NREP: variants seen among roughly 807,000 people sequenced by gnomAD.
NREP encodes neuronal regeneration related protein.
NREP carries 5 observed loss-of-function variants against 8.6 expected under a neutral mutation model. That is an observed-to-expected ratio of 0.58 (90% CI 0.30 to 1.22). The LOEUF (loss-of-function observed/expected upper bound fraction) is 1.22, where lower values mean the gene tolerates loss of function less well. NREP is among the 50% of genes most tolerant of loss of function. The pLI, the probability that NREP is intolerant of heterozygous loss-of-function variation, is 0.07. For synonymous variants in NREP, 27 were observed against 28.0 expected (o/e 0.96, Z 0.11); for missense variants, 86 against 82.5 (o/e 1.04, Z -0.17).
At chr5:111,771,635 T>A (rs1344739672) in intron 2 of NREP, among the ~76,000 whole-genome samples, 1 of 151,908 alleles carries the variant, frequency 6.6e-6, no homozygotes, top group East Asian at 1.9e-4. Context: ...TGGTGGCACA[T>A]GCCTGTAATC....
chr5:111,834,107 A>G (rs1752838556), intron 2 of NREP, among the ~76,000 whole-genome samples: 1 of 152,176 alleles, frequency 6.6e-6, no homozygotes, highest in South Asian at 2.1e-4. Context: ...ACTGGAGTAG[A>G]AAACTAGAGC....
chr5:111,758,326 A>G (rs543181081), upstream of NREP: 5 of 842,084 alleles, frequency 5.9e-6, no homozygotes, highest in South Asian at 5.4e-5. Flanking sequence ...CCTTCCCTAT[A>G]CGCTCCCCCA....
At chr5:111,775,968 GAGA>G (rs1751347546) in intron 2 of NREP, among the ~76,000 whole-genome samples, 1 of 152,102 alleles carries the variant, frequency 6.6e-6, no homozygotes, top group South Asian at 2.1e-4. Context: ...CTTATAATAA[GAGA>G]CTTTCAAATT....
At chr5:111,911,136 ATCTGGATATCACCCCTGCACCCAGTGT>A (rs1168370863) in intron 2 of NREP, among the ~76,000 whole-genome samples, 2 of 151,934 alleles carry the variant, frequency 1.3e-5, no homozygotes, top group Non-Finnish European at 2.9e-5. Context: ...GCACCCAGCA[ATCTGGATATCACCCCTGCACCCAGTGT>A]TCTGGATATC....
chr5:111,737,890 C>T (rs1190216894), intron 2 of NREP, among the ~76,000 whole-genome samples: 2 of 151,932 alleles, frequency 1.3e-5, no homozygotes, highest in African/African-American at 2.4e-5. Context: ...ATTTTTAGCA[C>T]ATTAGGCATT....
intron 2 of NREP, among the ~76,000 whole-genome samples, chr5:111,787,257 C>T (rs1165272082): frequency 6.6e-6 from 1 of 151,668 alleles, no homozygotes; most frequent in Non-Finnish European, 1.5e-5. Context: ...ATTCTGAAGC[C>T]ACACACACTT....
chr5:111,938,571 T>C (rs1755745680), intron 2 of NREP, among the ~76,000 whole-genome samples: 1 of 152,056 alleles, frequency 6.6e-6, no homozygotes, highest in Non-Finnish European at 1.5e-5. Context: ...CATGGCCTAG[T>C]TTGCATTTCA....
intron 2 of NREP, among the ~76,000 whole-genome samples, chr5:111,947,903 G>C (rs1489327084): frequency 1.3e-5 from 2 of 151,948 alleles, no homozygotes; most frequent in Admixed American, 6.6e-5. Context: ...GAGACTCCTA[G>C]ACTTCTCTGC....
chr5:111,952,936 T>C (rs915298027), intron 2 of NREP, among the ~76,000 whole-genome samples: 8 of 152,122 alleles, frequency 5.3e-5, no homozygotes, highest in African/African-American at 1.9e-4. Flanking sequence ...ACCTTGCTTG[T>C]ACTGTTTTTA....
At chr5:111,739,786 T>C (rs904334658) in intron 2 of NREP, 3 of 152,202 alleles carry the variant, frequency 2.0e-5, no homozygotes, top group Non-Finnish European at 2.9e-5. Flanking sequence ...GTTCTGGGTA[T>C]GGGAATACCT....
At chr5:111,850,872 TTGACAAAACAGGGTTTGAATTACTAA>T (rs1561693608) in intron 2 of NREP, among the ~76,000 whole-genome samples, 1 of 152,174 alleles carries the variant, frequency 6.6e-6, no homozygotes, top group African/African-American at 2.4e-5. Context: ...GTTTTAAAGT[TTGACAAAACAGGGTTTGAATTACTAA>T]TTCATTAATC....
chr5:111,891,949 A>G (rs886412492), intron 2 of NREP, among the ~76,000 whole-genome samples: 2 of 152,208 alleles, frequency 1.3e-5, no homozygotes, highest in African/African-American at 4.8e-5. Context: ...AAACTATATC[A>G]GTCATTATGA....
At chr5:111,933,993 G>T (rs1412751384) in intron 2 of NREP, among the ~76,000 whole-genome samples, 2 of 152,088 alleles carry the variant, frequency 1.3e-5, no homozygotes, top group Non-Finnish European at 2.9e-5. Flanking sequence ...AGGGGAAGAA[G>T]TACAGCCTCC....
chr5:111,816,121 G>A (rs1456065689), intron 2 of NREP, among the ~76,000 whole-genome samples: 1 of 152,134 alleles, frequency 6.6e-6, no homozygotes, highest in African/African-American at 2.4e-5. Context: ...CAGTAAAAAT[G>A]TTAATCAAAA....
intron 2 of NREP, among the ~76,000 whole-genome samples, chr5:111,910,919 CT>C (rs1394677358): frequency 1.3e-5 from 2 of 152,076 alleles, no homozygotes; most frequent in Admixed American, 6.6e-5. Flanking sequence ...CCAGCCCCTT[CT>C]TGGTACTAGA....
chr5:111,877,888 G>C (rs1248717527), intron 2 of NREP, among the ~76,000 whole-genome samples: 1 of 151,876 alleles, frequency 6.6e-6, no homozygotes, highest in Non-Finnish European at 1.5e-5. Context: ...CCACACATAG[G>C]GCCACACTGG....
At chr5:111,855,371 C>T (rs1276185522) in intron 2 of NREP, among the ~76,000 whole-genome samples, 1 of 152,298 alleles carries the variant, frequency 6.6e-6, no homozygotes, top group Middle Eastern at 3.4e-3. Context: ...GTTGTCGGCA[C>T]AGGTAATTAA....
chr5:111,885,226 T>C (rs1754208200), intron 2 of NREP, among the ~76,000 whole-genome samples: 1 of 151,576 alleles, frequency 6.6e-6, no homozygotes, highest in Non-Finnish European at 1.5e-5. Flanking sequence ...CCATTCACAA[T>C]TGCTTCAAAG....
chr5:111,933,551 G>A (rs1173388214), intron 2 of NREP, among the ~76,000 whole-genome samples: 3 of 152,002 alleles, frequency 2.0e-5, no homozygotes, highest in African/African-American at 7.2e-5. Context: ...GAGAGACAGA[G>A]GAAGTATTGC....
Sources: gnomAD v4.1 joint callset for allele counts (sites outside exome capture counted in the v4.1 genomes callset) on GRCh38, gnomAD v4.1.1 for gene constraint, MANE v1.5 for transcripts, NCBI Gene and HGNC (gene_info 2026-07-23, HGNC 2026-07-21) for gene names.